MYMX: variants seen among roughly 807,000 people sequenced by gnomAD.
The protein encoded by MYMX is protein myomixer.
chr6:44,196,890 G>A, the MYMX span, among the ~76,000 whole-genome samples: 3 of 152,072 alleles, frequency 2.0e-5, no homozygotes, highest in East Asian at 1.9e-4. Flanking sequence ...CCTGGGAGGC[G>A]GAGGTTGCAG....
the MYMX span, among the ~76,000 whole-genome samples, chr6:44,201,350 G>C: frequency 6.6e-6 from 1 of 152,016 alleles, no homozygotes; most frequent in Non-Finnish European, 1.5e-5. Context: ...TCTGGTTCCT[G>C]GCCCCAAGGT....
chr6:44,198,154 C>CTTT, the MYMX span, among the ~76,000 whole-genome samples: 83 of 79,782 alleles, frequency 1.0e-3, 4 homozygotes, highest in South Asian at 9.6e-3. Flanking sequence ...CCAAATTCCT[C>CTTT]TTTTTTTTTT....
upstream of MYMX, among the ~76,000 whole-genome samples, chr6:44,212,841 T>C (rs35446507): frequency 0.32 from 45,312 of 141,750 alleles, 7,272 homozygotes; most frequent in South Asian, 0.44. Flanking sequence ...CTGAGCAACA[T>C]AGTGAGAACT....
At chr6:44,203,949 G>A in the MYMX span, among the ~76,000 whole-genome samples, 1 of 152,294 alleles carries the variant, frequency 6.6e-6, no homozygotes, top group South Asian at 2.1e-4. Context: ...CCGGGTTCAA[G>A]AGATTCTTCT....
the MYMX span, among the ~76,000 whole-genome samples, chr6:44,199,981 G>A: frequency 1.3e-5 from 2 of 152,176 alleles, no homozygotes; most frequent in South Asian, 2.1e-4. Flanking sequence ...CACCGTGCCC[G>A]GTCAGAACTA....
the MYMX span, among the ~76,000 whole-genome samples, chr6:44,197,741 T>G: frequency 6.6e-6 from 1 of 152,174 alleles, no homozygotes; most frequent in Non-Finnish European, 1.5e-5. Context: ...TGTCATTTTC[T>G]TATTGATTAT....
chr6:44,215,981 T>C (rs1459385312), upstream of MYMX, among the ~76,000 whole-genome samples: 1 of 152,226 alleles, frequency 6.6e-6, no homozygotes, highest in Admixed American at 6.5e-5. Flanking sequence ...AGCTATCTCA[T>C]AGAATTTCAT....
At chr6:44,199,574 T>G in the MYMX span, among the ~76,000 whole-genome samples, 1 of 152,218 alleles carries the variant, frequency 6.6e-6, no homozygotes, top group Non-Finnish European at 1.5e-5. Flanking sequence ...TATTTTATTC[T>G]TTTTTGAGAC....
chr6:44,209,594 A>G, the MYMX span, among the ~76,000 whole-genome samples: 65 of 152,336 alleles, frequency 4.3e-4, 1 homozygote, highest in South Asian at 2.5e-3. Flanking sequence ...TGACTTAAAT[A>G]TATGTAAGTA....
chr6:44,213,927 T>C (rs533842495), upstream of MYMX, among the ~76,000 whole-genome samples: 50 of 152,302 alleles, frequency 3.3e-4, no homozygotes, highest in African/African-American at 1.1e-3. Flanking sequence ...CTTCCCACCC[T>C]AGCCTCCTGA....
chr6:44,199,382 T>G, the MYMX span, among the ~76,000 whole-genome samples: 1 of 151,694 alleles, frequency 6.6e-6, no homozygotes, highest in Non-Finnish European at 1.5e-5. Flanking sequence ...GTATTTTTAG[T>G]AGAGACAGTT....
At chr6:44,196,353 C>T in the MYMX span, among the ~76,000 whole-genome samples, 1 of 152,134 alleles carries the variant, frequency 6.6e-6, no homozygotes, top group Non-Finnish European at 1.5e-5. Flanking sequence ...TCAGATAGTG[C>T]CAAATTGCCC....
chr6:44,196,538 G>T, the MYMX span, among the ~76,000 whole-genome samples: 1 of 151,626 alleles, frequency 6.6e-6, no homozygotes, highest in African/African-American at 2.4e-5. Context: ...AATTAGCTGG[G>T]CGTGGCGATG....
the MYMX span, among the ~76,000 whole-genome samples, chr6:44,194,661 G>A: frequency 6.6e-6 from 1 of 152,180 alleles, no homozygotes; most frequent in Non-Finnish European, 1.5e-5. Context: ...GAGACACTGA[G>A]GACAGAAAGG....
At chr6:44,206,930 G>C in the MYMX span, among the ~76,000 whole-genome samples, 13 of 152,232 alleles carry the variant, frequency 8.5e-5, no homozygotes, top group Middle Eastern at 3.4e-3. Flanking sequence ...CTCTCGAGGT[G>C]TTTGTCTTAA....
At chr6:44,217,372 A>C (rs546909255) in intron 1 of MYMX, 78 bp from the exon 2 acceptor site, 9 of 397,814 alleles carry the variant, frequency 2.3e-5, no homozygotes, top group Admixed American at 4.4e-5. Flanking sequence ...GGGAGGGGGA[A>C]CTCCTGCCCA....
chr6:44,206,796 G>T, the MYMX span, among the ~76,000 whole-genome samples: 1 of 152,042 alleles, frequency 6.6e-6, no homozygotes, highest in Non-Finnish European at 1.5e-5. Flanking sequence ...ACCAGTGAGG[G>T]TATTCTCTGT....
chr6:44,199,750 C>T, the MYMX span, among the ~76,000 whole-genome samples: 1 of 151,000 alleles, frequency 6.6e-6, no homozygotes, highest in East Asian at 2.0e-4. Context: ...GTGGCATGAT[C>T]ACTGTTCGCT....
chr6:44,199,688 T>TA, the MYMX span, among the ~76,000 whole-genome samples: 51 of 108,060 alleles, frequency 4.7e-4, 1 homozygote, highest in Middle Eastern at 4.2e-3. Context: ...GGGGGAGAAC[T>TA]AATTTTTTTT....
Sources: allele counts gnomAD v4.1 joint callset (sites outside exome capture counted in the v4.1 genomes callset), GRCh38; gene constraint gnomAD v4.1.1; transcripts MANE v1.5; gene names NCBI Gene and HGNC (gene_info 2026-07-23, HGNC 2026-07-21).